LNPEP: variants seen among roughly 807,000 people sequenced by gnomAD.
LNPEP encodes the protein leucyl-cystinyl aminopeptidase.
Under a neutral mutation model 120.6 loss-of-function variants are expected in LNPEP, and 64 were observed. The ratio of observed to expected loss-of-function variants is 0.53; its 90% CI spans 0.43 to 0.65. LNPEP has a LOEUF of 0.65. Ranked by LOEUF, LNPEP falls within the 30% of genes least tolerant of loss-of-function variation. The probability of loss-of-function intolerance (pLI) is 0.00; values close to 1 mark genes in which losing one functional copy is unlikely to be tolerated. For synonymous variants in LNPEP, 435 were observed against 425.4 expected (o/e 1.02, Z -0.28); for missense variants, 1,057 against 1,200.0 (o/e 0.88, Z 1.76).
chr5:96,991,593 CTATT>C (rs1157493355), intron 4 of LNPEP, among the ~76,000 whole-genome samples: 3 of 152,084 alleles, frequency 2.0e-5, no homozygotes, highest in African/African-American at 7.2e-5. Context: ...TGCTTGTTGT[CTATT>C]TATATATCTT....
intron 9 of LNPEP, among the ~76,000 whole-genome samples, chr5:97,005,472 C>A (rs1440061976): frequency 2.6e-5 from 4 of 152,052 alleles, no homozygotes; most frequent in African/African-American, 7.2e-5. Flanking sequence ...GGGCTGTGAC[C>A]ACTAAAGTAG....
rs746533429 is a variant in LNPEP at position 96,979,186 on chromosome 5, A to G, written c.68A>G (p.Glu23Gly). The G allele has an allele frequency of 6.2e-7, 1 of 1,613,540 alleles. No homozygotes were observed. Among genetic ancestry groups the G allele is most frequent in the Non-Finnish European group, 8.5e-7 (1 of 1,179,692 alleles). The change falls in exon 2 of 18, where the codon GAA (glutamate) becomes GGA (glycine). Residue 23 changes from glutamate to glycine, a missense_variant. Physicochemically the swap from Glu to Gly is moderately conservative, Grantham distance 98. Coordinates refer to ENST00000231368, the MANE Select transcript of LNPEP (RefSeq NM_005575.3). Reference sequence around the variant, plus strand: ...ATGATTGAAAACAGCATGTTTGAGGAAGAACCAGATGTGGTGGATTTAGCC... The same window carrying G: ...ATGATTGAAAACAGCATGTTTGAGGGAGAACCAGATGTGGTGGATTTAGCC... ...RNMIENSMFE[E>G]EPDVVDLAKE...
chr5:96,983,935 T>G (rs1445293262), intron 2 of LNPEP, among the ~76,000 whole-genome samples: 1 of 152,208 alleles, frequency 6.6e-6, no homozygotes, highest in African/African-American at 2.4e-5. Flanking sequence ...CCAGAGTCTG[T>G]ACAGATAATT....
At position 97,032,184 on chromosome 5, in the gene LNPEP, A is replaced by T. The variant is rs2112682372; in HGVS notation, c.*3651A>T. 1 of 152,220 alleles carries T rather than the reference A, an allele frequency of 6.6e-6. No homozygotes were observed. The highest frequency in any genetic ancestry group is 2.4e-5 in the African/African-American group (1 of 41,536). The allele number at this position is 152,220 out of a possible 1,614,324, so 9.4% of individuals were successfully genotyped here. On this transcript the variant is annotated 3_prime_UTR_variant, in exon 18 of 18. Coordinates refer to ENST00000231368, the MANE Select transcript of LNPEP (RefSeq NM_005575.3). ...TGGATATGACATAGCTTTTCTTCTCACCTATGCCTTTGTTACTTTTGTATT... is the reference window on the plus strand; with the variant it reads ...TGGATATGACATAGCTTTTCTTCTCTCCTATGCCTTTGTTACTTTTGTATT...
At chr5:97,022,206 G>A (rs1791217632) in intron 13 of LNPEP, 94 bp from the exon 14 acceptor site, 1 of 770,292 alleles carries the variant, frequency 1.3e-6, no homozygotes, top group Admixed American at 2.8e-5. Context: ...TGGGATTACA[G>A]GCACGAGACA....
intron 1 of LNPEP, chr5:96,936,522 C>G (rs1295490736): frequency 4.5e-6 from 1 of 219,788 alleles, no homozygotes; most frequent in Admixed American, 5.9e-5. Flanking sequence ...GTCGGCCCGA[C>G]TCTCCTGTAG....
chr5:97,008,328 T>C lies in LNPEP; in HGVS notation c.2035+1813T>C, dbSNP rs563049562. On this transcript the variant is annotated intron_variant, in intron 11 of 17. Transcript: ENST00000231368. ...TTTCATTGGTTGATTTTTTTGTTTG[T>C]TTTTTCTTGTTTTTTTTTTTTTTTT... 2.8e-4 allele frequency among the ~76,000 whole-genome samples: 39 copies of C among 137,818 alleles called. No homozygotes were observed. In the South Asian group the frequency reaches 6.0e-3, roughly 21 times the overall value. The allele number at this position is 137,818 out of a possible 152,430, so 90.4% of individuals were successfully genotyped here.
intron 1 of LNPEP, among the ~76,000 whole-genome samples, chr5:96,961,416 A>AT (rs1375264550): frequency 6.6e-6 from 1 of 152,086 alleles, no homozygotes; most frequent in Admixed American, 6.5e-5. Context: ...GGTTCCTGTC[A>AT]TTTTTACTAA....
intron 2 of LNPEP, among the ~76,000 whole-genome samples, chr5:96,984,198 G>A (rs1460760422): frequency 3.3e-5 from 5 of 152,140 alleles, no homozygotes; most frequent in Non-Finnish European, 7.4e-5. Context: ...CAGTTATATA[G>A]GGAGAAGGCC....
At chr5:96,964,583 A>C (rs1246144372) in intron 1 of LNPEP, among the ~76,000 whole-genome samples, 1 of 152,148 alleles carries the variant, frequency 6.6e-6, no homozygotes, top group East Asian at 1.9e-4. Flanking sequence ...TTGTTGTTTT[A>C]GGTTTTTCTC....
chr5:96,951,562 G>T (rs915514361), intron 1 of LNPEP, among the ~76,000 whole-genome samples: 1 of 151,980 alleles, frequency 6.6e-6, no homozygotes, highest in African/African-American at 2.4e-5. Flanking sequence ...CTGGCGGGGG[G>T]TTAGTGCTTT....
At chr5:96,960,817 G>GT (rs1177347124) in intron 1 of LNPEP, among the ~76,000 whole-genome samples, 5 of 566 alleles carry the variant, frequency 8.8e-3, no homozygotes, top group South Asian at 0.045. Flanking sequence ...GAAAAAAAGA[G>GT]AGTAGTTTTT....
chr5:96,976,917 C>T (rs1187252177), intron 1 of LNPEP, among the ~76,000 whole-genome samples: 1 of 86,408 alleles, frequency 1.2e-5, no homozygotes, highest in Non-Finnish European at 2.2e-5. Flanking sequence ...ACTATCAAAA[C>T]AGAACATACT....
chr5:97,035,082 G>A lies in LNPEP; in HGVS notation c.*6549G>A, dbSNP rs559493056. The A allele has an allele frequency of 1.5e-4, 23 of 152,166 alleles. No homozygotes were observed. Among genetic ancestry groups the A allele is most frequent in the Admixed American group, 5.9e-4 (9 of 15,272 alleles). 9.4% of individuals were successfully genotyped at this position (152,166 alleles called of 1,614,324 possible). On this transcript the variant is annotated 3_prime_UTR_variant, in exon 18 of 18. Transcript: ENST00000231368. ...CATAATGAAACATGGAGGTCCAGAC[G>A]TATGATAACTCTCCTGTTTCCCTTC... is the stretch of plus-strand genomic sequence containing the variant.
intron 13 of LNPEP, among the ~76,000 whole-genome samples, chr5:97,019,457 A>T (rs533753818): frequency 6.6e-6 from 1 of 152,134 alleles, no homozygotes; most frequent in Non-Finnish European, 1.5e-5. Context: ...TAATAATATA[A>T]TTATTCTTTC....
At chr5:96,954,766 A>ATTTTTTTTT (rs1561430227) in intron 1 of LNPEP, among the ~76,000 whole-genome samples, 1 of 40,956 alleles carries the variant, frequency 2.4e-5, no homozygotes, top group African/African-American at 9.2e-5. Flanking sequence ...ATATATATAT[A>ATTTTTTTTT]TATATATTTT....
chr5:97,015,962 T>C (rs1179347875), intron 13 of LNPEP, among the ~76,000 whole-genome samples: 1 of 152,104 alleles, frequency 6.6e-6, no homozygotes, highest in African/African-American at 2.4e-5. Flanking sequence ...TTGTTACATA[T>C]GTACACAACC....
intron 1 of LNPEP, among the ~76,000 whole-genome samples, chr5:96,958,189 T>C (rs1789513990): frequency 6.6e-6 from 1 of 152,178 alleles, no homozygotes; most frequent in African/African-American, 2.4e-5. Context: ...TATAACCTAT[T>C]ATAAAGTGAA....
intron 11 of LNPEP, 142 bp from the exon 12 acceptor site, chr5:97,013,506 A>G (rs1212410479): frequency 1.3e-5 from 6 of 464,606 alleles, no homozygotes; most frequent in Non-Finnish European, 2.3e-5. Context: ...TAACGTGAAA[A>G]TAACTGTACT....
Sources: gnomAD v4.1 joint callset for allele counts (sites outside exome capture counted in the v4.1 genomes callset) on GRCh38, gnomAD v4.1.1 for gene constraint, MANE v1.5 for transcripts, NCBI Gene and HGNC (gene_info 2026-07-23, HGNC 2026-07-21) for gene names.